The following ST3GAL3 variants were observed in gnomAD, a reference collection of about 807,000 sequenced individuals.
ST3GAL3 encodes ST3 beta-galactoside alpha-2,3-sialyltransferase 3.
ST3GAL3 carries 21 observed loss-of-function variants against 50.1 expected under a neutral mutation model. The observed-to-expected ratio is 0.42, with a 90% confidence interval of 0.30 to 0.60. ST3GAL3 has a LOEUF of 0.60. ST3GAL3 is among the 20% of genes least tolerant of loss of function. The pLI is 0.19. For missense variants in ST3GAL3, 353 were observed against 489.4 expected, an observed-to-expected ratio of 0.72 and a Z score of 2.63; for synonymous variants, 183 against 190.0, an observed-to-expected ratio of 0.96 and a Z score of 0.30.
At chr1:43,906,964 T>C (rs1216360097) in intron 9 of ST3GAL3, among the ~76,000 whole-genome samples, 2 of 152,198 alleles carry the variant, frequency 1.3e-5, no homozygotes, top group South Asian at 4.1e-4. Context: ...GGGATCTTCC[T>C]AAGAAATAAA....
intron 1 of ST3GAL3, among the ~76,000 whole-genome samples, chr1:43,717,561 C>G (rs1001425191): frequency 6.8e-6 from 1 of 147,654 alleles, no homozygotes; most frequent in Non-Finnish European, 1.5e-5. Flanking sequence ...TGCAGGGGTG[C>G]AGTTACAGCT....
intron 5 of ST3GAL3, among the ~76,000 whole-genome samples, chr1:43,862,264 ACCT>A (rs1311504385): frequency 1.3e-5 from 2 of 151,898 alleles, no homozygotes; most frequent in African/African-American, 4.8e-5. Flanking sequence ...CTCAGATGTC[ACCT>A]CCTCTGTGAA....
intron 9 of ST3GAL3, among the ~76,000 whole-genome samples, chr1:43,916,171 A>G (rs568753651): frequency 6.6e-6 from 1 of 152,186 alleles, no homozygotes; most frequent in African/African-American, 2.4e-5. Flanking sequence ...GAATTGTACA[A>G]TTATGTATTG....
chr1:43,879,312 G>T (rs1168233604), intron 5 of ST3GAL3: 1 of 456,206 alleles, frequency 2.2e-6, no homozygotes, highest in African/African-American at 2.0e-5. Context: ...TTAACCTGTG[G>T]TTTGGCTTTT....
chr1:43,751,826 G>C (rs909736226), intron 2 of ST3GAL3, among the ~76,000 whole-genome samples: 3 of 151,488 alleles, frequency 2.0e-5, no homozygotes, highest in Non-Finnish European at 4.4e-5. Flanking sequence ...ATTTTTTTTT[G>C]TTCTGTTTTT....
chr1:43,922,965 G>A (rs1008743948), intron 11 of ST3GAL3, among the ~76,000 whole-genome samples: 42 of 151,858 alleles, frequency 2.8e-4, no homozygotes, highest in Middle Eastern at 3.4e-3. Context: ...GCCGGGCATG[G>A]TGGCAGGTGC....
Position 43,899,868 on chromosome 1 carries a change from A to C in ST3GAL3, c.744+141A>C. The C allele has an allele frequency of 7.7e-5, 66 of 859,030 alleles. No homozygotes were observed. The highest frequency in any genetic ancestry group is 1.2e-4 in the Non-Finnish European group (63 of 528,292). 53.2% of individuals were successfully genotyped at this position (859,030 alleles called of 1,614,324 possible). On this transcript the variant is annotated intron_variant, in intron 9 of 11. Coordinates refer to ENST00000347631, the MANE Select transcript of ST3GAL3 (RefSeq NM_006279.5). The surrounding 1 kb of genome is among the most constrained non-coding windows in gnomAD (Gnocchi z 5.4). ...AATGACCCAAAGCCGAAATCACCCA[A>C]TGGCAACCAGGGGGCAAAGAGGTCA...
chr1:43,737,261 T>A lies in ST3GAL3; in HGVS notation c.118+881T>A, dbSNP rs187572364. On this transcript the variant is annotated intron_variant, in intron 2 of 11. Transcript: ENST00000347631. The surrounding 1 kb of genome is among the most constrained non-coding windows in gnomAD (Gnocchi z 4.0). ...TCTCTTAAAATAGTTTTATTTTTAC[T>A]AACATCTACCAGATACCAGTATAGA... 6.6e-5 allele frequency: 10 copies of A among 152,354 alleles called. No homozygotes were observed. Among genetic ancestry groups the A allele is most frequent in the Non-Finnish European group, 1.2e-4 (8 of 68,072 alleles). The allele number at this position is 152,354 out of a possible 1,614,324, so 9.4% of individuals were successfully genotyped here.
At chr1:43,801,196 A>G (rs908797204) in intron 3 of ST3GAL3, 7 of 449,144 alleles carry the variant, frequency 1.6e-5, no homozygotes, top group African/African-American at 1.4e-4. Flanking sequence ...ATATACCTCA[A>G]TAATGCTCCT....
At chr1:43,906,662 C>T (rs941495016) in intron 9 of ST3GAL3, among the ~76,000 whole-genome samples, 6 of 149,296 alleles carry the variant, frequency 4.0e-5, no homozygotes, top group Admixed American at 1.3e-4. Context: ...CTCCTCTTCC[C>T]GCCACTCTTC....
chr1:43,919,798 T>G (rs1381810713), intron 9 of ST3GAL3: 2 of 168,994 alleles, frequency 1.2e-5, no homozygotes, highest in African/African-American at 4.8e-5. Flanking sequence ...GCAGAGACCC[T>G]CCGGTAAGAA....
intron 5 of ST3GAL3, chr1:43,850,621 C>G (rs1000561857): frequency 1.3e-6 from 1 of 756,220 alleles, no homozygotes; most frequent in African/African-American, 1.7e-5. Context: ...GCTTCTAGGA[C>G]CTTCTCAGCC....
intron 1 of ST3GAL3, among the ~76,000 whole-genome samples, chr1:43,722,060 A>C (rs767583091): frequency 2.0e-5 from 3 of 152,238 alleles, no homozygotes; most frequent in Non-Finnish European, 2.9e-5. Flanking sequence ...GTAAATACTT[A>C]GAAAATTATA....
intron 2 of ST3GAL3, among the ~76,000 whole-genome samples, chr1:43,756,703 G>A (rs1462225049): frequency 6.6e-6 from 1 of 152,074 alleles, no homozygotes; most frequent in African/African-American, 2.4e-5. Flanking sequence ...TTGGATAATT[G>A]TTTCTGTATA....
chr1:43,844,200 C>T (rs2065866145), intron 5 of ST3GAL3, among the ~76,000 whole-genome samples: 1 of 152,174 alleles, frequency 6.6e-6, no homozygotes, highest in African/African-American at 2.4e-5. Context: ...CTTCTATAAA[C>T]CCTGTGGAGG....
Position 43,819,096 on chromosome 1 carries a change from T to G in ST3GAL3, c.209+4163T>G, listed in dbSNP as rs1338355375. 3 of 152,342 alleles carry G rather than the reference T, an allele frequency of 2.0e-5. No individual in the cohort carries two copies. The East Asian group carries it at 5.8e-4, about 29-fold the overall frequency. The allele number at this position is 152,342 out of a possible 1,614,324, so 9.4% of individuals were successfully genotyped here. A position where few individuals can be genotyped will look rare whatever the true frequency, so the allele number is the denominator to read the frequency against. Reference sequence around the variant, plus strand: ...TTTATGGACCCTGAAATTTTAATTTTATATGTATTCTTTTTAGACGGAGTT... The same window carrying G: ...TTTATGGACCCTGAAATTTTAATTTGATATGTATTCTTTTTAGACGGAGTT... On this transcript the variant is annotated intron_variant, in intron 4 of 11. Transcript: ENST00000347631.
intron 11 of ST3GAL3, among the ~76,000 whole-genome samples, chr1:43,927,569 C>T (rs1156781763): frequency 2.0e-5 from 3 of 152,122 alleles, no homozygotes; most frequent in Non-Finnish European, 2.9e-5. Flanking sequence ...AAGAGGCAAA[C>T]GAGTTTCCAC....
chr1:43,832,833 G>A (rs2063725635), intron 4 of ST3GAL3, among the ~76,000 whole-genome samples: 1 of 152,154 alleles, frequency 6.6e-6, no homozygotes, highest in African/African-American at 2.4e-5. Context: ...TTGGAGAAAG[G>A]CATCCTCATG....
intron 3 of ST3GAL3, among the ~76,000 whole-genome samples, chr1:43,805,494 G>A (rs1373077243): frequency 6.6e-6 from 1 of 152,206 alleles, no homozygotes; most frequent in Non-Finnish European, 1.5e-5. Flanking sequence ...CACAGATAAG[G>A]TGCATTTAGG....
Sources: gnomAD v4.1 joint callset for allele counts (sites outside exome capture counted in the v4.1 genomes callset) on GRCh38, gnomAD v4.1.1 for gene constraint, Gnocchi (gnomAD v3.1) non-coding constraint, MANE v1.5 for transcripts, NCBI Gene and HGNC (gene_info 2026-07-23, HGNC 2026-07-21) for gene names.